ZNF722: variants seen among roughly 807,000 people sequenced by gnomAD.
ZNF722 encodes zinc finger protein 722.
At chr7:64,015,043 T>C in the ZNF722 span, 1 of 1,338,266 alleles carries the variant, frequency 7.5e-7, no homozygotes, top group Non-Finnish European at 1.1e-6. Flanking sequence ...TGTTCTCATT[T>C]CACCCAAGAC....
At chr7:64,015,420 G>A in the ZNF722 span, 257 of 1,580,046 alleles carry the variant, frequency 1.6e-4, 6 homozygotes, top group Middle Eastern at 8.8e-3. Context: ...TGAAGAATGC[G>A]GCAAATCCTT....
the ZNF722 span, chr7:64,016,003 G>T: frequency 1.1e-6 from 1 of 901,916 alleles, no homozygotes. Context: ...AGAGAATATG[G>T]ACAAACCTTT....
the ZNF722 span, chr7:64,005,618 T>C: frequency 4.3e-6 from 5 of 1,167,254 alleles, no homozygotes; most frequent in South Asian, 3.8e-5. Flanking sequence ...TCAGAGACTG[T>C]TGACATTCAG....
At chr7:64,007,260 A>ATATATTTATC in the ZNF722 span, among the ~76,000 whole-genome samples, 1 of 147,242 alleles carries the variant, frequency 6.8e-6, no homozygotes, top group African/African-American at 2.5e-5. Context: ...ATATATTTAT[A>ATATATTTATC]CTTTAAGTTC....
At chr7:64,015,604 G>T in the ZNF722 span, 29 of 1,613,514 alleles carry the variant, frequency 1.8e-5, 1 homozygote, top group South Asian at 3.1e-4. Context: ...GCTTTTAGGC[G>T]CTCCTCAACA....
At chr7:64,005,490 A>G in the ZNF722 span, 1 of 596,930 alleles carries the variant, frequency 1.7e-6, no homozygotes, top group Non-Finnish European at 3.0e-6. Context: ...AGTCAGTCTT[A>G]TAAGTGAGAA....
At chr7:64,004,672 C>G in the ZNF722 span, among the ~76,000 whole-genome samples, 1 of 151,848 alleles carries the variant, frequency 6.6e-6, no homozygotes, top group Non-Finnish European at 1.5e-5. Context: ...GATTTACTAG[C>G]TGAAGTGCAT....
the ZNF722 span, among the ~76,000 whole-genome samples, chr7:64,003,995 A>G: frequency 1.3e-5 from 2 of 152,172 alleles, no homozygotes; most frequent in Admixed American, 6.6e-5. Context: ...CTATAAGGAG[A>G]TACTTGCTCT....
At chr7:64,012,510 T>C in the ZNF722 span, among the ~76,000 whole-genome samples, 1 of 152,246 alleles carries the variant, frequency 6.6e-6, no homozygotes, top group Non-Finnish European at 1.5e-5. Context: ...TGTTTGTTAG[T>C]TTTCCTTCCA....
At chr7:64,001,272 G>A in the ZNF722 span, among the ~76,000 whole-genome samples, 1 of 152,152 alleles carries the variant, frequency 6.6e-6, no homozygotes. Context: ...CTCAGTGTCT[G>A]TCTGTTGTTC....
At chr7:63,999,971 C>A in the ZNF722 span, among the ~76,000 whole-genome samples, 22 of 152,134 alleles carry the variant, frequency 1.4e-4, no homozygotes, top group African/African-American at 4.8e-4. Context: ...ATTTGCATTA[C>A]AGGCGTGAGC....
the ZNF722 span, among the ~76,000 whole-genome samples, chr7:64,004,427 T>TAA: frequency 2.3e-5 from 1 of 42,610 alleles, no homozygotes; most frequent in African/African-American, 9.8e-5. Context: ...AAAAAAAAAA[T>TAA]ATATATATAT....
the ZNF722 span, among the ~76,000 whole-genome samples, chr7:64,014,406 C>T: frequency 2.0e-4 from 31 of 152,008 alleles, no homozygotes; most frequent in African/African-American, 7.2e-4. Context: ...ATTTTGTATA[C>T]ATTATAATCT....
chr7:64,007,796 T>C, the ZNF722 span, among the ~76,000 whole-genome samples: 9 of 152,210 alleles, frequency 5.9e-5, no homozygotes, highest in African/African-American at 2.2e-4. Context: ...TTTCTAGTTC[T>C]AGATCCTTGA....
chr7:64,000,216 C>T, the ZNF722 span, among the ~76,000 whole-genome samples: 1 of 150,702 alleles, frequency 6.6e-6, no homozygotes, highest in Non-Finnish European at 1.5e-5. Context: ...CTGCAACCTC[C>T]CCCTCCCATG....
chr7:64,009,384 A>C, the ZNF722 span, among the ~76,000 whole-genome samples: 3 of 152,174 alleles, frequency 2.0e-5, no homozygotes, highest in African/African-American at 7.2e-5. Context: ...TGGGTTTGTC[A>C]TAAATAGCTC....
chr7:64,006,117 TAATTTTCTAG>T, the ZNF722 span: 2 of 651,348 alleles, frequency 3.1e-6, no homozygotes, highest in Non-Finnish European at 4.7e-6. Flanking sequence ...GAATCAACTT[TAATTTTCTAG>T]AATTTTCTAT....
the ZNF722 span, among the ~76,000 whole-genome samples, chr7:64,000,468 T>TTTTTTTTTTTTTTG: frequency 7.8e-6 from 1 of 127,942 alleles, no homozygotes. Flanking sequence ...TTTTTTTTTT[T>TTTTTTTTTTTTTTG]GAGAGGGAGT....
the ZNF722 span, among the ~76,000 whole-genome samples, chr7:64,014,075 C>T: frequency 6.6e-6 from 1 of 151,818 alleles, no homozygotes; most frequent in Non-Finnish European, 1.5e-5. Flanking sequence ...TGGTTTGTGA[C>T]TTTTGAAACT....
Sources: gnomAD v4.1 joint callset for allele counts (sites outside exome capture counted in the v4.1 genomes callset) on GRCh38, gnomAD v4.1.1 for gene constraint, MANE v1.5 for transcripts, NCBI Gene and HGNC (gene_info 2026-07-23, HGNC 2026-07-21) for gene names.